Variants in PLS1 observed in about 807,000 individuals in gnomAD.
PLS1 encodes the protein plastin-1.
A neutral mutation model predicts 73.7 loss-of-function variants in PLS1; 32 were observed. The ratio of observed to expected loss-of-function variants is 0.43; its 90% confidence interval spans 0.33 to 0.58. The LOEUF (loss-of-function observed/expected upper bound fraction) is 0.58. Ranked by LOEUF, PLS1 falls within the 20% of genes least tolerant of loss-of-function variation. The probability of loss-of-function intolerance (pLI) is 0.04; values close to 1 mark genes in which losing one functional copy is unlikely to be tolerated. For missense variants in PLS1, 633 were observed against 740.5 expected (o/e 0.85, Z 1.68); for synonymous variants, 217 against 261.3 (o/e 0.83, Z 1.63).
At chr3:142,612,436 A>T (rs906391177) in intron 1 of PLS1, among the ~76,000 whole-genome samples, 2 of 152,200 alleles carry the variant, frequency 1.3e-5, no homozygotes, top group Non-Finnish European at 2.9e-5. Context: ...GTGACCTGCA[A>T]ATCATATTCC....
intron 1 of PLS1, among the ~76,000 whole-genome samples, chr3:142,632,650 G>A (rs567594939): frequency 1.3e-5 from 2 of 151,124 alleles, no homozygotes; most frequent in African/African-American, 4.9e-5. Context: ...CCAGGCTGGA[G>A]TGCTGTGGCA....
chr3:142,689,159 C>T (rs2038033824), intron 9 of PLS1, among the ~76,000 whole-genome samples: 1 of 152,042 alleles, frequency 6.6e-6, no homozygotes, highest in Admixed American at 6.6e-5. Flanking sequence ...GGGGGCTGGG[C>T]TTAGTGGCTC....
chr3:142,665,018 G>A (rs1172620761), intron 2 of PLS1, among the ~76,000 whole-genome samples: 3 of 150,400 alleles, frequency 2.0e-5, no homozygotes, highest in South Asian at 4.2e-4. Flanking sequence ...AGTGAAAGGT[G>A]AACCCAGTGA....
intron 4 of PLS1, among the ~76,000 whole-genome samples, chr3:142,672,545 G>A (rs775322003): frequency 2.0e-5 from 3 of 151,632 alleles, no homozygotes; most frequent in Non-Finnish European, 4.4e-5. Flanking sequence ...GGGTTTCACC[G>A]TGTTAGCCAG....
At chr3:142,668,008 G>C (rs2037515220) in intron 2 of PLS1, among the ~76,000 whole-genome samples, 1 of 152,106 alleles carries the variant, frequency 6.6e-6, no homozygotes, top group African/African-American at 2.4e-5. Context: ...TTTCATATGA[G>C]AGTTCCAAAG....
At chr3:142,615,662 G>A (rs947099838) in intron 1 of PLS1, among the ~76,000 whole-genome samples, 1 of 152,020 alleles carries the variant, frequency 6.6e-6, no homozygotes, top group Non-Finnish European at 1.5e-5. Flanking sequence ...CCACATCCCA[G>A]GGAAACCTAG....
At chr3:142,680,469 T>G (rs528504196) in intron 6 of PLS1, among the ~76,000 whole-genome samples, 2 of 152,338 alleles carry the variant, frequency 1.3e-5, no homozygotes, top group South Asian at 4.1e-4. Context: ...GTATTCAGTT[T>G]ATATTATTGT....
intron 1 of PLS1, among the ~76,000 whole-genome samples, chr3:142,622,693 G>A (rs1164677213): frequency 6.6e-6 from 1 of 152,160 alleles, no homozygotes; most frequent in East Asian, 1.9e-4. Flanking sequence ...AACTGTTCTT[G>A]CCTCACTTAA....
At chr3:142,671,516 A>G (rs931108221) in intron 4 of PLS1, among the ~76,000 whole-genome samples, 1 of 151,988 alleles carries the variant, frequency 6.6e-6, no homozygotes, top group African/African-American at 2.4e-5. Context: ...AATGGGGGAG[A>G]GGCTTCTATC....
chr3:142,605,407 G>A (rs926582230), intron 1 of PLS1, among the ~76,000 whole-genome samples: 28 of 152,128 alleles, frequency 1.8e-4, no homozygotes, highest in African/African-American at 4.3e-4. Context: ...GTCTTGCTCC[G>A]TTGCTCAGGC....
At chr3:142,609,786 C>T (rs968895710) in intron 1 of PLS1, among the ~76,000 whole-genome samples, 2 of 152,168 alleles carry the variant, frequency 1.3e-5, no homozygotes, top group Non-Finnish European at 2.9e-5. Context: ...TATGGTTATA[C>T]CTTCTAAGGG....
At chr3:142,657,354 A>T (rs1390965466) in intron 1 of PLS1, among the ~76,000 whole-genome samples, 1 of 152,126 alleles carries the variant, frequency 6.6e-6, no homozygotes, top group Non-Finnish European at 1.5e-5. Flanking sequence ...CAGGACATCC[A>T]ACCTAAGTAA....
At chr3:142,633,003 T>C (rs1293315474) in intron 1 of PLS1, among the ~76,000 whole-genome samples, 1 of 152,200 alleles carries the variant, frequency 6.6e-6, no homozygotes, top group African/African-American at 2.4e-5. Context: ...CAAGTGACTA[T>C]ATGAAGGAAA....
At chr3:142,658,441 A>G (rs112283117) in intron 1 of PLS1, among the ~76,000 whole-genome samples, 2,710 of 149,816 alleles carry the variant, frequency 0.018, 81 homozygotes, top group African/African-American at 0.063. Context: ...ATGCCACTGC[A>G]CTCCAGCCTG....
At chr3:142,667,965 T>C (rs557872943) in intron 2 of PLS1, among the ~76,000 whole-genome samples, 1 of 152,368 alleles carries the variant, frequency 6.6e-6, no homozygotes, top group African/African-American at 2.4e-5. Context: ...TTTAGAAATA[T>C]TCTATCATTC....
chr3:142,695,976 T>G (rs2038189982), intron 11 of PLS1, among the ~76,000 whole-genome samples: 1 of 152,244 alleles, frequency 6.6e-6, no homozygotes. Flanking sequence ...GTATTTTTAG[T>G]AGAGATGGGG....
chr3:142,677,670 T>TA (rs2037750861), intron 5 of PLS1, among the ~76,000 whole-genome samples: 1 of 151,856 alleles, frequency 6.6e-6, no homozygotes, highest in East Asian at 1.9e-4. Flanking sequence ...TCAGGATGGT[T>TA]AAAAAAAATT....
At chr3:142,687,040 A>G (rs1172492184) in intron 9 of PLS1, among the ~76,000 whole-genome samples, 8 of 152,220 alleles carry the variant, frequency 5.3e-5, no homozygotes, top group African/African-American at 1.9e-4. Context: ...GGACTGATAC[A>G]GATTCTGACC....
intron 11 of PLS1, among the ~76,000 whole-genome samples, chr3:142,695,001 T>C (rs1331233102): frequency 6.6e-6 from 1 of 152,188 alleles, no homozygotes; most frequent in African/African-American, 2.4e-5. Flanking sequence ...TCATTCTTTC[T>C]TGTTTAAAAA....
Sources: gnomAD v4.1 joint callset for allele counts (sites outside exome capture counted in the v4.1 genomes callset) on GRCh38, gnomAD v4.1.1 for gene constraint, MANE v1.5 for transcripts, NCBI Gene and HGNC (gene_info 2026-07-23, HGNC 2026-07-21) for gene names.